PPP2R2C: variants seen among roughly 807,000 people sequenced by gnomAD.
PPP2R2C encodes protein phosphatase 2, regulatory subunit B, gamma.
A neutral mutation model predicts 45.3 loss-of-function variants in PPP2R2C; 10 were observed. The ratio of observed to expected loss-of-function variants is 0.22; its 90% CI spans 0.14 to 0.37. The LOEUF (loss-of-function observed/expected upper bound fraction) is 0.37. Among genes scored for constraint, PPP2R2C ranks in the 10% least tolerant of loss-of-function variants. PPP2R2C has a pLI of 1.00. For missense variants in PPP2R2C, 308 were observed against 619.7 expected, an observed-to-expected ratio of 0.50 and a Z score of 5.34; for synonymous variants, 257 against 245.4, an observed-to-expected ratio of 1.05 and a Z score of -0.44.
At chr4:6,511,726 G>GTAA (rs1723539281) in intron 2 of PPP2R2C, among the ~76,000 whole-genome samples, 2 of 32,140 alleles carry the variant, frequency 6.2e-5, no homozygotes, top group Non-Finnish European at 1.0e-4. Context: ...GGTGGTGATG[G>GTAA]TGGTGGAGGT....
chr4:6,498,738 C>T (rs1030599968), intron 2 of PPP2R2C, among the ~76,000 whole-genome samples: 15 of 152,080 alleles, frequency 9.9e-5, no homozygotes, highest in Admixed American at 9.2e-4. Context: ...AGTGAGCTCC[C>T]GGGCTGTGCT....
chr4:6,494,567 G>A (rs1722811981), intron 2 of PPP2R2C, among the ~76,000 whole-genome samples: 1 of 152,204 alleles, frequency 6.6e-6, no homozygotes, highest in Non-Finnish European at 1.5e-5. Context: ...AATACAAGAG[G>A]GAGTGACACA....
intron 2 of PPP2R2C, among the ~76,000 whole-genome samples, chr4:6,496,842 CAA>C (rs1722894070): frequency 7.1e-6 from 1 of 141,018 alleles, no homozygotes; most frequent in Non-Finnish European, 1.6e-5. Context: ...GCCTGGGCAA[CAA>C]GAGCAAAACT....
At chr4:6,395,115 A>G (rs1394321061) in intron 1 of PPP2R2C, among the ~76,000 whole-genome samples, 1 of 152,102 alleles carries the variant, frequency 6.6e-6, no homozygotes, top group Non-Finnish European at 1.5e-5. Flanking sequence ...AGCAGCCAGA[A>G]GGACTTTTCT....
intron 1 of PPP2R2C, chr4:6,420,851 C>G (rs778958655): frequency 1.5e-5 from 12 of 800,768 alleles, no homozygotes; most frequent in African/African-American, 9.3e-5. Context: ...GTGCCCAGGT[C>G]TGTGCTGGCA....
In PPP2R2C at chr4:6,332,299, G is replaced by T. The variant is rs1732469931; in HGVS notation, c.960+1263C>A. Reference sequence around the variant, plus strand: ...TATCCTGTCCCTCTCCTAGTCTGGGGTCTCTGCCATTCCCACAGGGACAGA... The same window carrying T: ...TATCCTGTCCCTCTCCTAGTCTGGGTTCTCTGCCATTCCCACAGGGACAGA... On this transcript the variant is annotated intron_variant, in intron 7 of 8. Coordinates refer to ENST00000382599, the MANE Select transcript of PPP2R2C (RefSeq NM_020416.4). The surrounding 1 kb of genome is among the most constrained non-coding windows in gnomAD (Gnocchi z 4.9). Among the ~76,000 whole-genome samples the T allele has an allele frequency of 6.6e-6, 1 of 152,230 alleles. No individual in the cohort carries two copies.
At chr4:6,501,726 G>A (rs894684251) in intron 2 of PPP2R2C, among the ~76,000 whole-genome samples, 9 of 152,202 alleles carry the variant, frequency 5.9e-5, no homozygotes, top group African/African-American at 2.2e-4. Context: ...GGCTTAGGGT[G>A]GCCTGGCCTT....
intron 1 of PPP2R2C, among the ~76,000 whole-genome samples, chr4:6,560,391 T>C (rs1204738532): frequency 6.6e-6 from 1 of 152,196 alleles, no homozygotes; most frequent in African/African-American, 2.4e-5. Context: ...CAGGCCCTTG[T>C]TGAGAGGTGG....
intron 8 of PPP2R2C, 108 bp from the exon 9 acceptor site, chr4:6,323,701 C>T: frequency 1.7e-6 from 2 of 1,188,106 alleles, no homozygotes; most frequent in East Asian, 2.7e-5. Flanking sequence ...TTTGGGAGGC[C>T]CCGGTGGGAG....
At chr4:6,560,168 CCCCATGCAAGA>C (rs1209469097) in intron 1 of PPP2R2C, among the ~76,000 whole-genome samples, 7 of 152,304 alleles carry the variant, frequency 4.6e-5, no homozygotes, top group African/African-American at 1.4e-4. Context: ...CAGGGAGCAG[CCCCATGCAAGA>C]CCCATGCAAG....
intron 1 of PPP2R2C, chr4:6,384,696 CTAA>C: frequency 2.0e-6 from 2 of 985,466 alleles, no homozygotes; most frequent in Non-Finnish European, 2.4e-6. Flanking sequence ...GCAACACACA[CTAA>C]TGTCTGTGGG....
At chr4:6,355,575 G>A (rs1713096090) in intron 5 of PPP2R2C, among the ~76,000 whole-genome samples, 1 of 151,076 alleles carries the variant, frequency 6.6e-6, no homozygotes, top group Admixed American at 6.6e-5. Context: ...AAAGAGGCAT[G>A]GTCAAGGAGG....
At chr4:6,563,667 A>C (rs1428365053), upstream of PPP2R2C, 1 of 120,446 alleles carries the variant, frequency 8.3e-6, no homozygotes, top group African/African-American at 3.1e-5. The surrounding 1 kb of genome is among the most constrained non-coding windows in gnomAD (Gnocchi z 5.8). Flanking sequence ...AGCTGGCAAA[A>C]CAGCAAGGGC....
At chr4:6,366,223 T>C (rs1714290990) in intron 5 of PPP2R2C, among the ~76,000 whole-genome samples, 1 of 152,248 alleles carries the variant, frequency 6.6e-6, no homozygotes, top group Admixed American at 6.5e-5. Flanking sequence ...AAGGGAATTT[T>C]CTGATTTTAT....
At chr4:6,458,550 G>T (rs1471213320) in intron 1 of PPP2R2C, among the ~76,000 whole-genome samples, 1 of 152,128 alleles carries the variant, frequency 6.6e-6, no homozygotes, top group African/African-American at 2.4e-5. Context: ...CCTCACATTG[G>T]GGGTCTGGAT....
chr4:6,358,738 T>C (rs955917538), intron 5 of PPP2R2C, among the ~76,000 whole-genome samples: 6 of 152,152 alleles, frequency 3.9e-5, no homozygotes, highest in Non-Finnish European at 5.9e-5. Context: ...AACAGACACA[T>C]GAAAAGATGC....
At chr4:6,474,970 C>G (rs79274604), upstream of PPP2R2C, among the ~76,000 whole-genome samples, 2 of 152,220 alleles carry the variant, frequency 1.3e-5, no homozygotes, top group East Asian at 1.9e-4. Flanking sequence ...ACAGACTCCT[C>G]TCTGTACTTT....
rs141703486 is a variant in PPP2R2C at position 6,428,153 on chromosome 4, T to G, written c.70+44007A>C. Reference sequence around the variant, plus strand: ...ATGCATGTCCTACAAGTTCATCCTATTGCTTTGCACAAAGTTTTAAGATCA... The same window carrying G: ...ATGCATGTCCTACAAGTTCATCCTAGTGCTTTGCACAAAGTTTTAAGATCA... On this transcript the variant is annotated intron_variant, in intron 1 of 8. Transcript: ENST00000382599. 9.1e-3 allele frequency among the ~76,000 whole-genome samples: 1,393 copies of G among 152,330 alleles called. 13 individuals are homozygous for G. The highest frequency in any genetic ancestry group is 0.014 in the Non-Finnish European group (921 of 68,026).
chr4:6,377,960 C>T (rs1327550120), intron 3 of PPP2R2C, among the ~76,000 whole-genome samples: 1 of 152,204 alleles, frequency 6.6e-6, no homozygotes. Context: ...GCGGTGACAG[C>T]CCCAGTCTAG....
Sources: gnomAD v4.1 joint callset for allele counts (sites outside exome capture counted in the v4.1 genomes callset) on GRCh38, gnomAD v4.1.1 for gene constraint, Gnocchi (gnomAD v3.1) non-coding constraint, MANE v1.5 for transcripts, NCBI Gene and HGNC (gene_info 2026-07-23, HGNC 2026-07-21) for gene names.